Variants in EPHA5 observed in about 807,000 individuals in gnomAD.
EPHA5 encodes ephrin type-A receptor 5.
In EPHA5, 60 loss-of-function variants were observed where a neutral mutation model predicts 105.0. The observed-to-expected ratio is 0.57, with a 90% CI of 0.46 to 0.71. The LOEUF is 0.71. Ranked by LOEUF, EPHA5 falls within the 30% of genes least tolerant of loss-of-function variation. EPHA5 has a pLI of 0.00. For missense variants in EPHA5, 1,218 were observed against 1,274.7 expected, an observed-to-expected ratio of 0.96 and a Z score of 0.68; for synonymous variants, 513 against 449.1, an observed-to-expected ratio of 1.14 and a Z score of -1.80.
At chr4:65,633,121 A>G (rs1023498609) in intron 2 of EPHA5, among the ~76,000 whole-genome samples, 8 of 152,014 alleles carry the variant, frequency 5.3e-5, no homozygotes, top group African/African-American at 1.9e-4. Flanking sequence ...CACAAAAAAG[A>G]GAGAGAGAAT....
chr4:65,596,681 AACACACACACAC>A (rs71205392), intron 3 of EPHA5, among the ~76,000 whole-genome samples: 2 of 150,472 alleles, frequency 1.3e-5, no homozygotes, highest in Non-Finnish European at 3.0e-5. Flanking sequence ...ACAAAAGCAG[AACACACACACAC>A]ACACACACAC....
At chr4:65,381,957 C>A (rs1181925297) in intron 8 of EPHA5, among the ~76,000 whole-genome samples, 1 of 151,648 alleles carries the variant, frequency 6.6e-6, no homozygotes, top group Non-Finnish European at 1.5e-5. Flanking sequence ...ACTTGATGAC[C>A]CAAACTCTAC....
At chr4:65,354,773 A>C (rs1285693779) in intron 11 of EPHA5, among the ~76,000 whole-genome samples, 1 of 151,816 alleles carries the variant, frequency 6.6e-6, no homozygotes, top group South Asian at 2.1e-4. Context: ...AAAAGAAATA[A>C]CTGGGAAGAA....
chr4:65,339,685 C>T (rs996729785), intron 14 of EPHA5, among the ~76,000 whole-genome samples: 1 of 151,520 alleles, frequency 6.6e-6, no homozygotes, highest in Admixed American at 6.6e-5. Context: ...TTGCTTATTC[C>T]ATTTTAGGGC....
intron 8 of EPHA5, among the ~76,000 whole-genome samples, chr4:65,382,678 A>G (rs559739076): frequency 6.6e-6 from 1 of 151,954 alleles, no homozygotes; most frequent in African/African-American, 2.4e-5. Context: ...AGAATCAACA[A>G]GGAAGCTTAA....
intron 15 of EPHA5, 130 bp downstream of exon 15, chr4:65,335,802 T>C: frequency 1.1e-6 from 1 of 895,538 alleles, no homozygotes; most frequent in Middle Eastern, 2.6e-4. Context: ...AAAAACTATA[T>C]CCAAATAAAT....
intron 8 of EPHA5, among the ~76,000 whole-genome samples, chr4:65,373,831 A>C (rs892605690): frequency 1.3e-5 from 2 of 151,906 alleles, no homozygotes; most frequent in African/African-American, 4.8e-5. Context: ...CAGAGGATGG[A>C]GTAAATAATA....
chr4:65,621,999 T>G (rs1745743543), intron 2 of EPHA5, among the ~76,000 whole-genome samples: 1 of 152,158 alleles, frequency 6.6e-6, no homozygotes, highest in Admixed American at 6.5e-5. Flanking sequence ...TGAGTACATT[T>G]TCACTTAGAT....
intron 8 of EPHA5, among the ~76,000 whole-genome samples, chr4:65,398,400 C>T (rs911530200): frequency 6.6e-6 from 1 of 152,092 alleles, no homozygotes; most frequent in African/African-American, 2.4e-5. Flanking sequence ...GCAGGAACCC[C>T]TCAGCATGAA....
chr4:65,414,249 T>G, intron 7 of EPHA5, 35 bp downstream of exon 7: 1 of 1,604,248 alleles, frequency 6.2e-7, no homozygotes, highest in Non-Finnish European at 8.5e-7. Context: ...TAACCATTAC[T>G]GAGACATGAG....
chr4:65,555,546 A>C (rs1738346309), intron 3 of EPHA5, among the ~76,000 whole-genome samples: 1 of 140,094 alleles, frequency 7.1e-6, no homozygotes. Flanking sequence ...CCTGAACTTA[A>C]AATTTTTCTA....
intron 5 of EPHA5, among the ~76,000 whole-genome samples, chr4:65,468,594 ATATATATAT>A (rs1256662866): frequency 0.039 from 415 of 10,530 alleles, 3 homozygotes; most frequent in South Asian, 0.16. Context: ...AATATATATA[ATATATATAT>A]TATATATATT....
chr4:65,406,803 C>G (rs1163000423), intron 7 of EPHA5, among the ~76,000 whole-genome samples: 1 of 151,792 alleles, frequency 6.6e-6, no homozygotes, highest in East Asian at 1.9e-4. Flanking sequence ...GCCCTTATAC[C>G]ACATCTACCC....
intron 3 of EPHA5, among the ~76,000 whole-genome samples, chr4:65,600,485 A>G (rs1743610922): frequency 6.6e-6 from 1 of 152,292 alleles, no homozygotes; most frequent in African/African-American, 2.4e-5. Context: ...GTTTCTGGAG[A>G]GAATTAATTA....
At chr4:65,539,337 A>G (rs958063576) in intron 3 of EPHA5, among the ~76,000 whole-genome samples, 3 of 149,070 alleles carry the variant, frequency 2.0e-5, no homozygotes, top group African/African-American at 7.3e-5. Context: ...AGGAGGAGGA[A>G]GAGAAAAAGA....
At chr4:65,507,352 T>C (rs1001622399) in intron 3 of EPHA5, among the ~76,000 whole-genome samples, 1 of 152,178 alleles carries the variant, frequency 6.6e-6, no homozygotes, top group African/African-American at 2.4e-5. Context: ...CAATGCAGGC[T>C]CTTTTTTGGT....
chr4:65,449,033 T>C (rs1726829537), intron 5 of EPHA5, among the ~76,000 whole-genome samples: 2 of 152,242 alleles, frequency 1.3e-5, no homozygotes, highest in African/African-American at 2.4e-5. Context: ...AGTTTTATAC[T>C]TGTCAAAGTA....
intron 5 of EPHA5, among the ~76,000 whole-genome samples, chr4:65,472,582 C>T (rs963919870): frequency 2.6e-5 from 4 of 152,200 alleles, no homozygotes; most frequent in African/African-American, 9.6e-5. Flanking sequence ...CCCACCAGCA[C>T]GTGGAAGCCG....
chr4:65,369,066 A>G (rs971581572), intron 8 of EPHA5, among the ~76,000 whole-genome samples: 3 of 152,120 alleles, frequency 2.0e-5, no homozygotes, highest in African/African-American at 7.2e-5. Flanking sequence ...TGGCTTCCTT[A>G]CTGCTTTTTA....
Sources: allele counts gnomAD v4.1 joint callset (sites outside exome capture counted in the v4.1 genomes callset), GRCh38; gene constraint gnomAD v4.1.1; transcripts MANE v1.5; gene names NCBI Gene and HGNC (gene_info 2026-07-23, HGNC 2026-07-21).